The following SEC31A variants were observed in gnomAD, a reference collection of about 807,000 sequenced individuals.
SEC31A encodes SEC31 homolog A, COPII component.
SEC31A carries 70 observed loss-of-function variants against 151.0 expected under a neutral mutation model. That is an observed-to-expected ratio of 0.46 (90% CI 0.38 to 0.57). SEC31A has a LOEUF of 0.57. SEC31A is among the 20% of genes least tolerant of loss of function. SEC31A has a pLI of 0.00. For synonymous variants in SEC31A, 475 were observed against 505.9 expected (o/e 0.94, Z 0.82); for missense variants, 1,330 against 1,471.2 (o/e 0.90, Z 1.57).
At chr4:82,856,767 T>C (rs1456465878) in intron 16 of SEC31A, among the ~76,000 whole-genome samples, 185 bp downstream of exon 16, 1 of 152,006 alleles carries the variant, frequency 6.6e-6, no homozygotes. Flanking sequence ...TATTAATATA[T>C]ACAAAAACAA....
chr4:82,888,190 C>A (rs1468632674), intron 1 of SEC31A, among the ~76,000 whole-genome samples: 3 of 149,116 alleles, frequency 2.0e-5, no homozygotes, highest in Non-Finnish European at 4.4e-5. Flanking sequence ...GCCTGGCCAA[C>A]ATGGCGAAAC....
intron 1 of SEC31A, chr4:82,890,856 C>T: frequency 7.4e-7 from 1 of 1,353,156 alleles, no homozygotes; most frequent in Non-Finnish European, 9.5e-7. Flanking sequence ...GTGGCTTTTG[C>T]TCAGCAGTGG....
intron 10 of SEC31A, among the ~76,000 whole-genome samples, chr4:82,865,517 A>C (rs2149524130): frequency 6.7e-6 from 1 of 149,194 alleles, no homozygotes; most frequent in African/African-American, 2.5e-5. Context: ...CATCAAATGA[A>C]TGGATAAAAA....
chr4:82,873,184 C>T (rs771051936), intron 6 of SEC31A, among the ~76,000 whole-genome samples: 5 of 151,926 alleles, frequency 3.3e-5, no homozygotes, highest in African/African-American at 7.3e-5. Flanking sequence ...CATGGTAAAA[C>T]CCATCTCTAC....
At position 82,866,848 on chromosome 4, in the gene SEC31A, G is replaced by A. The variant is rs750717021; in HGVS notation, c.1157C>T (p.Pro386Leu). 4 of 1,612,236 alleles carry A rather than the reference G, an allele frequency of 2.5e-6. No individual in the cohort carries two copies. Among genetic ancestry groups the A allele is most frequent in the Non-Finnish European group, 3.4e-6 (4 of 1,179,562 alleles). The change falls in exon 10 of 27, where the codon CCG (proline) becomes CTG (leucine). Residue 386 changes from proline to leucine, a missense_variant. Pro to Leu is a moderately conservative substitution (Grantham distance 98). Transcript: ENST00000395310. ...AACAGGCCTTCGAATCCACTTGGGC[G>A]GCTTCTTCAGAGGCAGCACTATACT... ...QHSIVLPLKK[P>L]PKWIRRPVGA...
rs553138487 is a variant in SEC31A, at chr4:82,829,423, C to CAA, written c.2969-367_2969-366dup. The CAA allele has an allele frequency of 9.7e-4, 142 of 146,954 alleles. 1 individual carries two copies. Among genetic ancestry groups the CAA allele is most frequent in the Admixed American group, 4.2e-3 (59 of 14,008 alleles). The allele number at this position is 146,954 out of a possible 1,614,324, so 9.1% of individuals were successfully genotyped here. ...AGTCTGCTAAAAAAACAAAAACAAACAAAAAAAAAACACACCAGGCTTCTG... is the reference window on the plus strand; with the variant it reads ...AGTCTGCTAAAAAAACAAAAACAAACAAAAAAAAAAAACACACCAGGCTTCTG... On this transcript the variant is annotated intron_variant, in intron 22 of 26. Transcript: ENST00000395310.
In SEC31A at chr4:82,821,051, G is replaced by A. The variant is rs775307375; in HGVS notation, c.3469C>T (p.Leu1157Phe). 2.5e-6 allele frequency: 4 copies of A among 1,613,462 alleles called. No individual in the cohort carries two copies. The highest frequency in any genetic ancestry group is 3.4e-6 in the Non-Finnish European group (4 of 1,179,474). The change falls in exon 26 of 27, where the codon CTT (leucine) becomes TTT (phenylalanine). Residue 1157 changes from leucine to phenylalanine, a missense_variant. Physicochemically the swap from Leu to Phe is conservative, Grantham distance 22 (BLOSUM62 0). Coordinates refer to ENST00000395310, the MANE Select transcript of SEC31A (RefSeq NM_001077207.4). Reference protein sequence around the residue: ...SKRLEFLYDKLREQTLSPTIT... With the variant: ...SKRLEFLYDKFREQTLSPTIT... The stretch of plus-strand genomic sequence containing the variant: ...CCAAAACTTACTGTCTGTTCCCTAA[G>A]TTTATCATACAGAAACTCCAAACGT...
intron 4 of SEC31A, chr4:82,878,141 C>T (rs941033364): frequency 6.6e-6 from 1 of 152,424 alleles, no homozygotes; most frequent in East Asian, 1.9e-4. Context: ...AGGTTTCCAA[C>T]CTATAGGGAT....
intron 18 of SEC31A, 107 bp from the exon 19 acceptor site, chr4:82,851,711 G>A: frequency 1.1e-6 from 1 of 913,102 alleles, no homozygotes; most frequent in Non-Finnish European, 1.6e-6. Context: ...TAAAAATATA[G>A]TACCTGTTAT....
At chr4:82,874,474 CTT>C in intron 6 of SEC31A, 135 bp downstream of exon 6, 2 of 787,662 alleles carry the variant, frequency 2.5e-6, no homozygotes, top group South Asian at 4.6e-5. Context: ...CAAAACATTC[CTT>C]CTAACATGAC....
chr4:82,829,112 T>G, intron 22 of SEC31A, 54 bp from the exon 23 acceptor site: 1 of 1,413,702 alleles, frequency 7.1e-7, no homozygotes, highest in Non-Finnish European at 1.0e-6. Flanking sequence ...GGAAAAAAAA[T>G]AAAACTGAAT....
At chr4:82,835,887 T>C (rs1044183091) in intron 22 of SEC31A, among the ~76,000 whole-genome samples, 1 of 152,184 alleles carries the variant, frequency 6.6e-6, no homozygotes, top group Non-Finnish European at 1.5e-5. Flanking sequence ...AATTACTACT[T>C]CAAACCCATT....
rs1189301323 is a variant in SEC31A at position 82,842,487 on chromosome 4, C to G, written c.2627-6G>C. On this transcript the variant is annotated splice_region_variant and splice_polypyrimidine_tract_variant and intron_variant, in intron 21 of 26. Transcript: ENST00000395310. ...CGGCTGGGCTGGTTGATAAGCTACA[C>G]CAAGGAGAAGAAACAGAAATTTCAA... The G allele has an allele frequency of 1.3e-6, 2 of 1,589,624 alleles. No individual in the cohort carries two copies. Among genetic ancestry groups the G allele is most frequent in the Admixed American group, 3.6e-5 (2 of 56,080 alleles).
chr4:82,848,231 T>C (rs1015241533), intron 20 of SEC31A, among the ~76,000 whole-genome samples: 1 of 151,960 alleles, frequency 6.6e-6, no homozygotes, highest in Non-Finnish European at 1.5e-5. Flanking sequence ...TTAAATAAAA[T>C]TATTAGTTCT....
At chr4:82,856,861 G>T in intron 16 of SEC31A, 91 bp downstream of exon 16, 1 of 1,073,680 alleles carries the variant, frequency 9.3e-7, no homozygotes, top group South Asian at 1.8e-5. Context: ...TTCTTTACTG[G>T]TTTCTGCATT....
Position 82,819,026 on chromosome 4 carries a change from T to A in SEC31A, c.*48A>T. On this transcript the variant is annotated 3_prime_UTR_variant, in exon 27 of 27. Coordinates refer to ENST00000395310, the MANE Select transcript of SEC31A (RefSeq NM_001077207.4). ...TGTCTTATAATTTTTTTTTTTAACATGTTTCTTTGGAAAAATGGCAATATT... is the reference window on the plus strand; with the variant it reads ...TGTCTTATAATTTTTTTTTTTAACAAGTTTCTTTGGAAAAATGGCAATATT... 6.6e-7 allele frequency: 1 copy of A among 1,513,964 alleles called. No individual in the cohort carries two copies. The highest frequency in any genetic ancestry group is 8.9e-7 in the Non-Finnish European group (1 of 1,123,712). The allele number at this position is 1,513,964 out of a possible 1,614,324, so 93.8% of individuals were successfully genotyped here. A position where few individuals can be genotyped will look rare whatever the true frequency, so the allele number is the denominator to read the frequency against.
chr4:82,864,198 ATAAGT>A (rs1218634046), intron 11 of SEC31A, among the ~76,000 whole-genome samples, 159 bp downstream of exon 11: 6 of 152,326 alleles, frequency 3.9e-5, no homozygotes, highest in East Asian at 3.9e-4. Context: ...AACTCTGGAC[ATAAGT>A]TAGGTTGTAT....
chr4:82,883,641 C>T lies in SEC31A; in HGVS notation c.-4-1701G>A, dbSNP rs143070878. Among the ~76,000 whole-genome samples the T allele has an allele frequency of 2.7e-3, 406 of 152,100 alleles. 1 individual carries two copies. Among genetic ancestry groups the T allele is most frequent in the African/African-American group, 9.1e-3 (378 of 41,512 alleles). On this transcript the variant is annotated intron_variant, in intron 1 of 26. Coordinates refer to ENST00000395310, the MANE Select transcript of SEC31A (RefSeq NM_001077207.4). ...CCCAGGAGTTCAAGATCAGCTTGGA[C>T]AACATGGTGAAATCCCATCTCTAGA...
intron 24 of SEC31A, among the ~76,000 whole-genome samples, chr4:82,826,995 A>G (rs1291882387): frequency 6.6e-6 from 1 of 152,250 alleles, no homozygotes; most frequent in Non-Finnish European, 1.5e-5. Flanking sequence ...GCTTTTATAC[A>G]TACACATAAA....
Sources: gnomAD v4.1 joint callset for allele counts (sites outside exome capture counted in the v4.1 genomes callset) on GRCh38, gnomAD v4.1.1 for gene constraint, MANE v1.5 for transcripts, NCBI Gene and HGNC (gene_info 2026-07-23, HGNC 2026-07-21) for gene names.